CHRM3: variants seen among roughly 807,000 people sequenced by gnomAD.
The protein encoded by CHRM3 is muscarinic acetylcholine receptor M3.
Under a neutral mutation model 41.8 loss-of-function variants are expected in CHRM3, and 11 were observed. The observed-to-expected ratio is 0.26, with a 90% CI of 0.17 to 0.44. The LOEUF (loss-of-function observed/expected upper bound fraction) is 0.44, where lower values mean the gene tolerates loss of function less well. CHRM3 is among the 20% of genes least tolerant of loss of function. The probability of loss-of-function intolerance (pLI) is 1.00; values close to 1 mark genes in which losing one functional copy is unlikely to be tolerated. For missense variants in CHRM3, 571 were observed against 745.4 expected (o/e 0.77, Z 2.72); for synonymous variants, 297 against 301.4 (o/e 0.99, Z 0.15).
chr1:239,780,783 T>G (rs552331567), intron 5 of CHRM3, among the ~76,000 whole-genome samples: 2 of 150,840 alleles, frequency 1.3e-5, no homozygotes, highest in East Asian at 3.9e-4. Context: ...AGTTAATGTT[T>G]TGTGAAGGGT....
At chr1:239,468,863 G>C (rs1032412878) in intron 1 of CHRM3, among the ~76,000 whole-genome samples, 1 of 152,068 alleles carries the variant, frequency 6.6e-6, no homozygotes, top group African/African-American at 2.4e-5. Context: ...GATATGTCTA[G>C]AAGTTCAAAT....
intron 4 of CHRM3, among the ~76,000 whole-genome samples, chr1:239,632,564 TG>T (rs1669969619): frequency 6.6e-6 from 1 of 152,194 alleles, no homozygotes; most frequent in African/African-American, 2.4e-5. Context: ...TGTAGCAATG[TG>T]GAATTTTTTG....
chr1:239,388,626 A>T (rs996257415), intron 1 of CHRM3, among the ~76,000 whole-genome samples: 3 of 152,236 alleles, frequency 2.0e-5, no homozygotes, highest in African/African-American at 7.2e-5. Context: ...ACCTGCATAT[A>T]AGCGTATTGT....
intron 1 of CHRM3, among the ~76,000 whole-genome samples, chr1:239,424,927 A>G (rs143752099): frequency 1.7e-4 from 26 of 152,272 alleles, no homozygotes; most frequent in African/African-American, 6.0e-4. Context: ...GCAATCATCA[A>G]ATGTTCCCAT....
intron 1 of CHRM3, among the ~76,000 whole-genome samples, chr1:239,421,841 G>A (rs927493680): frequency 2.0e-5 from 3 of 151,860 alleles, no homozygotes; most frequent in Non-Finnish European, 2.9e-5. Flanking sequence ...CCATACTGAT[G>A]CCAGATTTTT....
At chr1:239,644,018 G>C (rs1671500519) in intron 4 of CHRM3, among the ~76,000 whole-genome samples, 1 of 152,176 alleles carries the variant, frequency 6.6e-6, no homozygotes, top group Non-Finnish European at 1.5e-5. Flanking sequence ...TCTTGTAATT[G>C]AAATTATGTT....
intron 6 of CHRM3, among the ~76,000 whole-genome samples, chr1:239,855,089 A>G (rs1362783910): frequency 6.6e-6 from 1 of 152,138 alleles, no homozygotes; most frequent in African/African-American, 2.4e-5. Flanking sequence ...ATTGATCTAC[A>G]TGCATTAAGT....
chr1:239,845,237 T>C (rs1367766917), intron 6 of CHRM3, among the ~76,000 whole-genome samples: 1 of 152,202 alleles, frequency 6.6e-6, no homozygotes, highest in African/African-American at 2.4e-5. Flanking sequence ...AGGGACTTTA[T>C]ATAAATAAGA....
At chr1:239,788,665 C>G (rs949721952) in intron 5 of CHRM3, among the ~76,000 whole-genome samples, 4 of 152,020 alleles carry the variant, frequency 2.6e-5, no homozygotes, top group Non-Finnish European at 5.9e-5. Flanking sequence ...ACTCGGGAGG[C>G]TGAGGTAGGA....
intron 1 of CHRM3, among the ~76,000 whole-genome samples, chr1:239,404,784 G>A (rs886684660): frequency 2.1e-5 from 3 of 142,592 alleles, no homozygotes; most frequent in Non-Finnish European, 4.5e-5. Context: ...AATGTTCACA[G>A]GGTACTATAA....
chr1:239,515,093 T>G (rs1224693371), intron 2 of CHRM3, among the ~76,000 whole-genome samples: 1 of 152,136 alleles, frequency 6.6e-6, no homozygotes, highest in Non-Finnish European at 1.5e-5. Context: ...CATCAAAATA[T>G]TCTGATTTTT....
At chr1:239,547,611 A>G (rs1300707697) in intron 3 of CHRM3, among the ~76,000 whole-genome samples, 1 of 152,206 alleles carries the variant, frequency 6.6e-6, no homozygotes, top group Non-Finnish European at 1.5e-5. Context: ...AGATGGCTTA[A>G]CACAGCATCC....
At chr1:239,480,597 C>T (rs1160242761) in intron 1 of CHRM3, among the ~76,000 whole-genome samples, 1 of 141,898 alleles carries the variant, frequency 7.0e-6, no homozygotes, top group Admixed American at 7.3e-5. Context: ...AGCTCTGTCA[C>T]CCAGGCTGGA....
At chr1:239,708,577 T>G (rs1371740243) in intron 5 of CHRM3, among the ~76,000 whole-genome samples, 2 of 152,032 alleles carry the variant, frequency 1.3e-5, no homozygotes, top group East Asian at 3.9e-4. Context: ...TCTCCTTTAT[T>G]TTTCTCCGCA....
Position 239,407,417 on chromosome 1 carries a change from T to TATATATATATATATATAGAGAG in CHRM3, c.-521+20191_-521+20192insTATATATATATATATAGAGAGA. ...ACCAATGACTATAAATATATATATA[T>TATATATATATATATATAGAGAG]AGAGAGAGAGAGAGAGAGAGAGAGC... On this transcript the variant is annotated intron_variant, in intron 1 of 6. Transcript: ENST00000676153. 6.0e-4 allele frequency among the ~76,000 whole-genome samples: 80 copies of TATATATATATATATATAGAGAG among 134,206 alleles called. No homozygotes were observed. The South Asian group carries it at 6.2e-3, about 10-fold the overall frequency. 88.0% of individuals were successfully genotyped at this position (134,206 alleles called of 152,430 possible). A position where few individuals can be genotyped will look rare whatever the true frequency, so the allele number is the denominator to read the frequency against.
chr1:239,655,396 T>C (rs1446350923), intron 4 of CHRM3, among the ~76,000 whole-genome samples: 2 of 152,236 alleles, frequency 1.3e-5, no homozygotes, highest in Non-Finnish European at 2.9e-5. Context: ...TCAAAAACTT[T>C]AGTCTCTTCT....
chr1:239,468,978 C>T (rs755504968), intron 1 of CHRM3, among the ~76,000 whole-genome samples: 11 of 152,036 alleles, frequency 7.2e-5, no homozygotes, highest in Non-Finnish European at 1.3e-4. Flanking sequence ...AAAAATTATG[C>T]TGAATTTTAT....
chr1:239,646,085 A>G (rs1671715312), intron 4 of CHRM3, among the ~76,000 whole-genome samples: 1 of 152,228 alleles, frequency 6.6e-6, no homozygotes, highest in Non-Finnish European at 1.5e-5. Context: ...AGAACTTACA[A>G]TTTGATCAAA....
rs1354216171 is a variant in CHRM3, at chr1:239,780,266, A to G, written c.-146-46986A>G. Among the ~76,000 whole-genome samples the G allele has an allele frequency of 2.6e-5, 4 of 152,180 alleles. No homozygotes were observed. The East Asian group carries it at 7.7e-4, about 29-fold the overall frequency. ...CTGTTGGCAATAAATTAAAGTTCCT[A>G]CTGCTCCATATCCTCACCAACATTT... On this transcript the variant is annotated intron_variant, in intron 5 of 6. Transcript: ENST00000676153.
Sources: gnomAD v4.1 joint callset for allele counts (sites outside exome capture counted in the v4.1 genomes callset) on GRCh38, gnomAD v4.1.1 for gene constraint, MANE v1.5 for transcripts, NCBI Gene and HGNC (gene_info 2026-07-23, HGNC 2026-07-21) for gene names.